The following GRM5 variants were observed in gnomAD, a reference collection of about 807,000 sequenced individuals.
The protein encoded by GRM5 is glutamate metabotropic receptor 5.
GRM5 carries 19 observed loss-of-function variants against 83.1 expected under a neutral mutation model. The ratio of observed to expected loss-of-function variants is 0.23; its 90% CI spans 0.16 to 0.34. The LOEUF is 0.34. Among genes scored for constraint, GRM5 ranks in the 10% least tolerant of loss-of-function variants. GRM5 has a pLI of 1.00. For synonymous variants in GRM5, 675 were observed against 633.6 expected, an observed-to-expected ratio of 1.07 and a Z score of -0.98; for missense variants, 1,160 against 1,588.3, an observed-to-expected ratio of 0.73 and a Z score of 4.58.
chr11:88,978,261 G>A (rs2135017863), intron 2 of GRM5, among the ~76,000 whole-genome samples: 1 of 152,096 alleles, frequency 6.6e-6, no homozygotes, highest in African/African-American at 2.4e-5. Flanking sequence ...CAAGAAAGCT[G>A]GAAGAAACTT....
intron 3 of GRM5, among the ~76,000 whole-genome samples, chr11:88,774,388 T>C (rs1008271666): frequency 2.6e-5 from 4 of 152,208 alleles, no homozygotes; most frequent in Admixed American, 2.6e-4. Flanking sequence ...AATCATGTCA[T>C]CTGCAAACAG....
At chr11:88,652,937 A>G (rs1204063971) in intron 4 of GRM5, among the ~76,000 whole-genome samples, 2 of 152,072 alleles carry the variant, frequency 1.3e-5, no homozygotes, top group African/African-American at 4.8e-5. Context: ...CAATTTTTTG[A>G]ATGATACAAA....
intron 3 of GRM5, among the ~76,000 whole-genome samples, chr11:88,802,883 C>T (rs1325171068): frequency 6.6e-6 from 1 of 151,616 alleles, no homozygotes; most frequent in Non-Finnish European, 1.5e-5. Context: ...CATTCTTATA[C>T]ACCAATAACA....
At chr11:88,829,510 T>G (rs1415063352) in intron 3 of GRM5, among the ~76,000 whole-genome samples, 1 of 152,024 alleles carries the variant, frequency 6.6e-6, no homozygotes, top group Admixed American at 6.6e-5. Context: ...AAAAGAAAGA[T>G]AAATAAAACA....
chr11:88,931,013 A>C (rs1474803142), intron 2 of GRM5, among the ~76,000 whole-genome samples: 3 of 152,268 alleles, frequency 2.0e-5, no homozygotes, highest in East Asian at 1.9e-4. Flanking sequence ...TATACAAAGC[A>C]TGCTTTATAC....
chr11:88,523,451 TG>T (rs1252897018), intron 9 of GRM5, among the ~76,000 whole-genome samples: 3 of 152,200 alleles, frequency 2.0e-5, no homozygotes, highest in Non-Finnish European at 4.4e-5. Context: ...ATATGAATTA[TG>T]CTACTTTGTT....
intron 2 of GRM5, among the ~76,000 whole-genome samples, chr11:89,000,721 AC>A (rs1294794720): frequency 9.9e-5 from 15 of 152,136 alleles, no homozygotes; most frequent in African/African-American, 3.6e-4. Context: ...AAAATTAAAA[AC>A]TGCTCTGTAC....
At chr11:88,865,570 C>G (rs1260755055) in intron 2 of GRM5, among the ~76,000 whole-genome samples, 1 of 151,392 alleles carries the variant, frequency 6.6e-6, no homozygotes, top group Non-Finnish European at 1.5e-5. Context: ...GGGATCTAAT[C>G]AAACTAAAGA....
chr11:88,949,962 T>G (rs1938404743), intron 2 of GRM5, among the ~76,000 whole-genome samples: 1 of 152,052 alleles, frequency 6.6e-6, no homozygotes, highest in African/African-American at 2.4e-5. Flanking sequence ...GCTCCTGGGC[T>G]CAAGTGATTA....
chr11:88,855,077 T>C (rs1426573879), intron 2 of GRM5, among the ~76,000 whole-genome samples: 1 of 151,880 alleles, frequency 6.6e-6, no homozygotes, highest in Admixed American at 6.6e-5. Flanking sequence ...ATCAATCTCG[T>C]GTGGTAGGGA....
intron 3 of GRM5, among the ~76,000 whole-genome samples, chr11:88,794,518 A>G (rs1403621682): frequency 6.6e-6 from 1 of 152,210 alleles, no homozygotes; most frequent in Non-Finnish European, 1.5e-5. Flanking sequence ...TTAGACATTT[A>G]GAGGATGAAT....
At chr11:88,598,438 GT>G (rs369013034) in intron 5 of GRM5, among the ~76,000 whole-genome samples, 2,138 of 146,756 alleles carry the variant, frequency 0.015, 24 homozygotes, top group East Asian at 0.069. Flanking sequence ...TTTTACTGTA[GT>G]TTTTTTTTTT....
intron 3 of GRM5, among the ~76,000 whole-genome samples, chr11:88,835,366 G>A (rs1306272832): frequency 6.6e-6 from 1 of 152,198 alleles, no homozygotes; most frequent in Non-Finnish European, 1.5e-5. Flanking sequence ...GTGGGAAGGT[G>A]CAGAAGTGTG....
intron 4 of GRM5, among the ~76,000 whole-genome samples, chr11:88,638,310 A>G (rs1939196010): frequency 6.6e-6 from 1 of 152,074 alleles, no homozygotes; most frequent in Admixed American, 6.6e-5. Flanking sequence ...TATAATAATA[A>G]TAAAATTTAA....
chr11:88,593,584 A>G (rs1384690209), intron 6 of GRM5, among the ~76,000 whole-genome samples: 1 of 151,184 alleles, frequency 6.6e-6, no homozygotes, highest in Non-Finnish European at 1.5e-5. Flanking sequence ...AGGCCGAGAC[A>G]GGAGAATCAC....
chr11:88,867,669 T>C (rs1944695557), intron 2 of GRM5, among the ~76,000 whole-genome samples: 1 of 151,502 alleles, frequency 6.6e-6, no homozygotes, highest in Non-Finnish European at 1.5e-5. Flanking sequence ...CTAATCTAGC[T>C]GAATGGGGTC....
intron 2 of GRM5, among the ~76,000 whole-genome samples, chr11:88,993,405 A>G (rs1264626353): frequency 6.6e-6 from 1 of 152,030 alleles, no homozygotes; most frequent in Non-Finnish European, 1.5e-5. Context: ...TTAGTTGACC[A>G]TATATGTGTG....
intron 4 of GRM5, among the ~76,000 whole-genome samples, chr11:88,650,145 A>G (rs7935157): frequency 0.71 from 107,446 of 151,652 alleles, 43,190 homozygotes; most frequent in South Asian, 0.92. Context: ...TTAAGAGAAA[A>G]GGAATAATAA....
intron 2 of GRM5, among the ~76,000 whole-genome samples, chr11:89,038,090 T>C (rs1351728237): frequency 1.3e-5 from 2 of 152,082 alleles, no homozygotes; most frequent in African/African-American, 2.4e-5. Context: ...ACTTATGAGT[T>C]ATCCACTATT....
Sources: allele counts gnomAD v4.1 joint callset (sites outside exome capture counted in the v4.1 genomes callset), GRCh38; gene constraint gnomAD v4.1.1; transcripts MANE v1.5; gene names NCBI Gene and HGNC (gene_info 2026-07-23, HGNC 2026-07-21).